Variants in DYNC2H1 observed in about 807,000 individuals in gnomAD.
DYNC2H1 encodes cytoplasmic dynein 2 heavy chain 1.
A neutral mutation model predicts 570.0 loss-of-function variants in DYNC2H1; 410 were observed. That is an observed-to-expected ratio of 0.72 (90% CI 0.66 to 0.78). The LOEUF (loss-of-function observed/expected upper bound fraction) is 0.78. Ranked by LOEUF, DYNC2H1 falls within the 30% of genes least tolerant of loss-of-function variation. The pLI, the probability that DYNC2H1 is intolerant of heterozygous loss-of-function variation, is 0.00. For synonymous variants in DYNC2H1, 1,688 were observed against 1,677.6 expected, an observed-to-expected ratio of 1.01 and a Z score of -0.15; for missense variants, 4,865 against 5,046.4, an observed-to-expected ratio of 0.96 and a Z score of 1.09.
In DYNC2H1 at chr11:103,116,604, A is replaced by G; in HGVS notation, c.656A>G (p.Glu219Gly). 1 of 1,608,000 alleles carries G rather than the reference A, an allele frequency of 6.2e-7. No homozygotes were observed. ...AACTTGGACAGTCTATCCTTACTAG[A>G]AGTTGTTGACTTGGTGGAGACTACT... is the stretch of plus-strand genomic sequence containing the variant. ...FYNLDSLSLL[E>G]VVDLVETTQD... The change falls in exon 5 of 89, where the codon GAA (glutamate) becomes GGA (glycine). Residue 219 changes from glutamate to glycine, a missense_variant. Coordinates refer to ENST00000375735, the MANE Select transcript of DYNC2H1 (RefSeq NM_001377.3).
intron 68 of DYNC2H1, 62 bp from the exon 69 acceptor site, chr11:103,257,546 G>T (rs574902300): frequency 7.6e-6 from 11 of 1,456,430 alleles, no homozygotes; most frequent in African/African-American, 2.8e-5. Flanking sequence ...TCTTTAGGTG[G>T]CAGTAAAGCA....
intron 17 of DYNC2H1, among the ~76,000 whole-genome samples, chr11:103,139,642 G>T (rs1441394337): frequency 1.3e-5 from 2 of 151,772 alleles, no homozygotes; most frequent in Non-Finnish European, 2.9e-5. Context: ...CAACTATGTG[G>T]TCAATTTTGG....
Position 103,186,363 on chromosome 11 carries a change from A to G in DYNC2H1, c.6755A>G (p.Asp2252Gly), listed in dbSNP as rs376192761. The change falls in exon 42 of 89, where the codon GAT becomes GGT. Residue 2252 changes from aspartate to glycine, a missense_variant. By Grantham distance (94) the Asp-to-Gly change is moderately conservative. Transcript: ENST00000375735. The surrounding 1 kb of genome is among the most constrained non-coding windows in gnomAD (Gnocchi z 4.5). ...AAGAAGCCAGAAGACTTGACTGCTG[A>G]TGATTTCAGTAACGGCTTAACTCTT... Reference protein sequence around the residue: ...VLKKPEDLTADDFSNGLTLPV... With the variant: ...VLKKPEDLTAGDFSNGLTLPV... 5.6e-6 allele frequency: 9 copies of G among 1,612,802 alleles called. No individual in the cohort carries two copies. The highest frequency in any genetic ancestry group is 1.1e-5 in the South Asian group (1 of 91,068).
chr11:103,340,218 T>C (rs537995419), intron 82 of DYNC2H1, among the ~76,000 whole-genome samples: 1 of 152,310 alleles, frequency 6.6e-6, no homozygotes, highest in African/African-American at 2.4e-5. Flanking sequence ...GGGGGATGAT[T>C]GCTGGAGGGT....
At chr11:103,156,259 T>G in intron 25 of DYNC2H1, 129 bp from the exon 26 acceptor site, 1 of 933,626 alleles carries the variant, frequency 1.1e-6, no homozygotes, top group Non-Finnish European at 1.6e-6. Flanking sequence ...TAGAGCCACT[T>G]AACTTTTTTT....
In DYNC2H1 at chr11:103,204,182, C is replaced by G. The variant is rs1862833297; in HGVS notation, c.8311+406C>G. ...AGATCTCATGAGAGCCATTCACTAT[C>G]ATGAGAATAGCATGGGAAATACCTG... On this transcript the variant is annotated intron_variant, in intron 51 of 88. Transcript: ENST00000375735. This position sits in a 1 kb window ranked among gnomAD's most constrained non-coding sequence, Gnocchi z 4.1. Among the ~76,000 whole-genome samples, 1 of 152,118 alleles carries G rather than the reference C, an allele frequency of 6.6e-6. No homozygotes were observed. Among genetic ancestry groups the G allele is most frequent in the African/African-American group, 2.4e-5 (1 of 41,426 alleles).
intron 79 of DYNC2H1, among the ~76,000 whole-genome samples, chr11:103,314,257 A>G (rs908615570): frequency 2.6e-5 from 4 of 152,216 alleles, no homozygotes; most frequent in South Asian, 2.1e-4. Flanking sequence ...ATTAATTTCT[A>G]TATGCATTTA....
Position 103,358,240 on chromosome 11 carries a change from C to T in DYNC2H1, c.12040-3C>T. 1.3e-6 allele frequency: 2 copies of T among 1,506,220 alleles called. No homozygotes were observed. Among genetic ancestry groups the T allele is most frequent in the South Asian group, 1.3e-5 (1 of 78,770 alleles). The allele number at this position is 1,506,220 out of a possible 1,614,324, so 93.3% of individuals were successfully genotyped here. On this transcript the variant is annotated splice_polypyrimidine_tract_variant and splice_region_variant and intron_variant, in intron 82 of 88. Transcript: ENST00000375735. The stretch of plus-strand genomic sequence containing the variant: ...TGTTGATACTTATTATTTTTTTATT[C>T]AGGTTATTTCACAGTTGAGGATTTT...
chr11:103,199,969 T>C lies in DYNC2H1; in HGVS notation c.8089-77T>C, dbSNP rs757617056. On this transcript the variant is annotated intron_variant, in intron 49 of 88. Transcript: ENST00000375735. The surrounding 1 kb of genome is among the most constrained non-coding windows in gnomAD (Gnocchi z 4.6). Reference sequence around the variant, plus strand: ...ACACATGATACTGGCATACTTTACATACAAATACAAAATGTTAATTTTTAA... The same window carrying C: ...ACACATGATACTGGCATACTTTACACACAAATACAAAATGTTAATTTTTAA... 264 of 936,460 alleles carry C rather than the reference T, an allele frequency of 2.8e-4. No homozygotes were observed. Among genetic ancestry groups the C allele is most frequent in the Non-Finnish European group, 3.8e-4 (229 of 598,954 alleles). 58.0% of individuals were successfully genotyped at this position (936,460 alleles called of 1,614,324 possible). A position where few individuals can be genotyped will look rare whatever the true frequency, so the allele number is the denominator to read the frequency against.
Position 103,319,136 on chromosome 11 carries a change from T to C in DYNC2H1, c.11726-1893T>C, listed in dbSNP as rs1938030129. On this transcript the variant is annotated intron_variant, in intron 80 of 88. Coordinates refer to ENST00000375735, the MANE Select transcript of DYNC2H1 (RefSeq NM_001377.3). This position sits in a 1 kb window ranked among gnomAD's most constrained non-coding sequence, Gnocchi z 4.3. ...GAAAAGCAAAACAGAATTTGAATGA[T>C]GTATCATTGTGTTTCACGTTTGTGA... 6.6e-6 allele frequency among the ~76,000 whole-genome samples: 1 copy of C among 152,172 alleles called. No homozygotes were observed. Among genetic ancestry groups the C allele is most frequent in the African/African-American group, 2.4e-5 (1 of 41,468 alleles).
In DYNC2H1 at chr11:103,147,838, C is replaced by T. The variant is rs756778650; in HGVS notation, c.2769C>T (p.Ile923=). Residue 923 remains isoleucine (I), a synonymous_variant, in exon 19 of 89, where the codon ATC becomes ATT. Transcript: ENST00000375735. ...NPVKTVIDDL[I]QKLFDLLVLS... is the part of the protein sequence containing the mutation. ...TGAAGACTGTGATTGATGATCTCAT[C>T]CAGAAGTTATTTGATCTGCTTGTTC... 6 of 1,611,736 alleles carry T rather than the reference C, an allele frequency of 3.7e-6. No homozygotes were observed. Among genetic ancestry groups the T allele is most frequent in the East Asian group, 2.2e-5 (1 of 44,646 alleles).
rs982826258 is a variant in DYNC2H1, at chr11:103,396,260, T to C, written c.12157-3403T>C. ...ATAACACCTTGTACAAGTGATAATC[T>C]AGTTGAGAGGTTGGCAAACTGCAAC... On this transcript the variant is annotated intron_variant, in intron 83 of 88. Transcript: ENST00000375735. Among the ~76,000 whole-genome samples the C allele has an allele frequency of 2.6e-5, 4 of 152,334 alleles. No homozygotes were observed. The South Asian group carries it at 6.2e-4, about 24-fold the overall frequency.
chr11:103,335,320 C>G (rs1939060233), intron 82 of DYNC2H1, among the ~76,000 whole-genome samples: 1 of 151,946 alleles, frequency 6.6e-6, no homozygotes, highest in Admixed American at 6.6e-5. Context: ...AGTTCCTGGT[C>G]CCTTAAGTTT....
rs639931 is a variant in DYNC2H1, at chr11:103,209,068, A to G, written c.8455-808A>G. Among the ~76,000 whole-genome samples, 141,742 of 152,164 alleles carry G rather than the reference A, an allele frequency of 0.93. 66,046 individuals carry two copies. The highest frequency in any genetic ancestry group is 0.94 in the African/African-American group (39,057 of 41,516). ...CTCTCTGTCACAAGAATTATGGTAC[A>G]TTCGAACTCTGCATTAATGAAGACA... On this transcript the variant is annotated intron_variant, in intron 52 of 88. Transcript: ENST00000375735. The surrounding 1 kb of genome is among the most constrained non-coding windows in gnomAD (Gnocchi z 4.2).
At chr11:103,216,863 G>A (rs1479554709) in intron 55 of DYNC2H1, among the ~76,000 whole-genome samples, 1 of 151,976 alleles carries the variant, frequency 6.6e-6, no homozygotes, top group Non-Finnish European at 1.5e-5. Context: ...ATTTGAAACA[G>A]GTTCAAAACT....
chr11:103,231,309 A>G lies in DYNC2H1; in HGVS notation c.9403A>G (p.Asn3135Asp), dbSNP rs1863999261. 6.2e-7 allele frequency: 1 copy of G among 1,607,396 alleles called. No individual in the cohort carries two copies. Among genetic ancestry groups the G allele is most frequent in the African/African-American group, 1.3e-5 (1 of 74,644 alleles). The change falls in exon 60 of 89, where the codon AAT becomes GAT. Residue 3135 changes from asparagine to aspartate, a missense_variant. Coordinates refer to ENST00000375735, the MANE Select transcript of DYNC2H1 (RefSeq NM_001377.3). The part of the protein sequence containing the change: ...DRKRKLEELL[N>D]SVGQKVSELK... ...AAAAAGGAAACTAGAGGAGCTTCTT[A>G]ATTCTGTTGGTCAAAAGGTATCAGA...
chr11:103,387,109 T>A (rs1941919273), intron 83 of DYNC2H1, among the ~76,000 whole-genome samples: 1 of 152,154 alleles, frequency 6.6e-6, no homozygotes, highest in African/African-American at 2.4e-5. Flanking sequence ...TAGTTTACAG[T>A]CCCACCAACA....
Position 103,142,353 on chromosome 11 carries a change from T to C in DYNC2H1, c.2575-915T>C, listed in dbSNP as rs143528715. Reference sequence around the variant, plus strand: ...GCTGTTCCTATTTGGCCATCTTCGCTTTTTATTTTTTAAAATAGTTGTGTC... The same window carrying C: ...GCTGTTCCTATTTGGCCATCTTCGCCTTTTATTTTTTAAAATAGTTGTGTC... On this transcript the variant is annotated intron_variant, in intron 17 of 88. Coordinates refer to ENST00000375735, the MANE Select transcript of DYNC2H1 (RefSeq NM_001377.3). Among the ~76,000 whole-genome samples the C allele has an allele frequency of 6.5e-3, 987 of 152,278 alleles. 37 individuals carry two copies. Among genetic ancestry groups the C allele is most frequent in the Admixed American group, 0.056 (860 of 15,300 alleles).
Position 103,236,445 on chromosome 11 carries a change from G to GA in DYNC2H1, c.9726dup (p.Phe3243IlefsTer5). ...AACTTTTCAGAATTTGATCTGAGGAGATTTCTTTGTACTGAAAGTGAGCAG... is the reference window on the plus strand; with the variant it reads ...AACTTTTCAGAATTTGATCTGAGGAGAATTTCTTTGTACTGAAAGTGAGCAG... On this transcript the variant is annotated frameshift_variant, in exon 63 of 89. Coordinates refer to ENST00000375735, the MANE Select transcript of DYNC2H1 (RefSeq NM_001377.3). LOFTEE classifies it high-confidence loss of function. 4 of 1,602,002 alleles carry GA rather than the reference G, an allele frequency of 2.5e-6. No individual in the cohort carries two copies. Among genetic ancestry groups the GA allele is most frequent in the Non-Finnish European group, 3.4e-6 (4 of 1,169,894 alleles).
Sources: gnomAD v4.1 joint callset for allele counts (sites outside exome capture counted in the v4.1 genomes callset) on GRCh38, gnomAD v4.1.1 for gene constraint, Gnocchi (gnomAD v3.1) non-coding constraint, MANE v1.5 for transcripts, NCBI Gene and HGNC (gene_info 2026-07-23, HGNC 2026-07-21) for gene names.